NHLRC2: variants seen among roughly 807,000 people sequenced by gnomAD.
NHLRC2 encodes the protein NHL repeat containing 2.
In NHLRC2, 33 loss-of-function variants were observed where a neutral mutation model predicts 68.1. The ratio of observed to expected loss-of-function variants is 0.48; its 90% CI spans 0.37 to 0.65. The LOEUF (loss-of-function observed/expected upper bound fraction) is 0.65, where lower values mean the gene tolerates loss of function less well. Ranked by LOEUF, NHLRC2 falls within the 30% of genes least tolerant of loss-of-function variation. The pLI is 0.00. For missense variants in NHLRC2, 761 were observed against 853.8 expected (o/e 0.89, Z 1.35); for synonymous variants, 311 against 309.6 (o/e 1.00, Z -0.05).
Position 113,876,719 on chromosome 10 carries a change from C to T in NHLRC2, c.530C>T (p.Ser177Phe), listed in dbSNP as rs1845984792. ...ILGPRGNMLFSLIGEGHKDKL... is the reference protein window; with the variant it reads ...ILGPRGNMLFFLIGEGHKDKL... ...GGACCTCGTGGAAACATGTTGTTTT[C>T]TTTGATTGGAGAGGGACACAAAGAT... Residue 177 changes from serine to phenylalanine, a missense_variant, in exon 3 of 11, where the codon TCT becomes TTT. Transcript: ENST00000369301. The T allele has an allele frequency of 6.2e-7, 1 of 1,613,638 alleles. No individual in the cohort carries two copies. The highest frequency in any genetic ancestry group is 8.5e-7 in the Non-Finnish European group (1 of 1,179,788).
chr10:113,899,168 C>T (rs1339993154), intron 6 of NHLRC2, among the ~76,000 whole-genome samples: 1 of 152,032 alleles, frequency 6.6e-6, no homozygotes, highest in Non-Finnish European at 1.5e-5. Flanking sequence ...TTATTTTTAG[C>T]CATTTCCTCC....
intron 5 of NHLRC2, among the ~76,000 whole-genome samples, chr10:113,897,653 T>G (rs988725575): frequency 1.3e-5 from 2 of 152,214 alleles, no homozygotes; most frequent in East Asian, 1.9e-4. Context: ...ACTGAAACAT[T>G]GTGGTATGCT....
rs771124672 is a variant in NHLRC2 at position 113,904,817 on chromosome 10, C to A, written c.1705C>A (p.Leu569Ile). ...MDLETKMVSVLPIFRSENAVV... is the reference protein window; with the variant it reads ...MDLETKMVSVIPIFRSENAVV... ...AATAACAGATTTTCTTATTTCCTAG[C>A]TCCCCATCTTCAGATCTGAAAATGC... is the stretch of plus-strand genomic sequence containing the variant. The change falls in exon 10 of 11, where the codon CTC becomes ATC. Residue 569 changes from leucine (L) to isoleucine (I), a missense_variant and splice_region_variant. Coordinates refer to ENST00000369301, the MANE Select transcript of NHLRC2 (RefSeq NM_198514.4). 3.1e-6 allele frequency: 5 copies of A among 1,609,562 alleles called. No individual in the cohort carries two copies. The South Asian group carries it at 5.5e-5, about 18-fold the overall frequency.
chr10:113,898,467 A>G (rs41317262), intron 6 of NHLRC2, among the ~76,000 whole-genome samples: 81 of 152,324 alleles, frequency 5.3e-4, no homozygotes, highest in Non-Finnish European at 1.0e-3. Flanking sequence ...TCATCCTGGC[A>G]CAGTGAGAGA....
chr10:113,905,115 A>G (rs1412819391), intron 10 of NHLRC2, 79 bp downstream of exon 10: 1 of 779,180 alleles, frequency 1.3e-6, no homozygotes, highest in Non-Finnish European at 2.0e-6. Context: ...TTGTTAGGTG[A>G]TATTTTTACT....
intron 10 of NHLRC2, among the ~76,000 whole-genome samples, chr10:113,905,694 TC>T (rs1846269647): frequency 6.6e-6 from 1 of 152,152 alleles, no homozygotes; most frequent in African/African-American, 2.4e-5. Flanking sequence ...TCCATTTCCT[TC>T]CCAACTCCTC....
chr10:113,876,904 G>A lies in NHLRC2; in HGVS notation c.715G>A (p.Val239Ile), dbSNP rs751711519. ...VTVDQVTDRL[V>I]IADTGHHRIL... Reference sequence around the variant, plus strand: ...AGTAGACCAAGTTACTGATAGATTGGTAATAGCAGACACTGGACATCATAG... The same window carrying A: ...AGTAGACCAAGTTACTGATAGATTGATAATAGCAGACACTGGACATCATAG... The change falls in exon 3 of 11, where the codon GTA becomes ATA. Residue 239 changes from valine (V) to isoleucine (I), a missense_variant. Coordinates refer to ENST00000369301, the MANE Select transcript of NHLRC2 (RefSeq NM_198514.4). The A allele has an allele frequency of 1.2e-6, 2 of 1,612,792 alleles. No homozygotes were observed. Among genetic ancestry groups the A allele is most frequent in the Non-Finnish European group, 1.7e-6 (2 of 1,179,570 alleles).
rs1409281317 is a variant in NHLRC2 at position 113,880,170 on chromosome 10, G to GT, written c.909+476dup. Among the ~76,000 whole-genome samples, 3 of 151,838 alleles carry GT rather than the reference G, an allele frequency of 2.0e-5. No individual in the cohort carries two copies. The East Asian group carries it at 5.8e-4, about 29-fold the overall frequency. On this transcript the variant is annotated intron_variant, in intron 4 of 10. Transcript: ENST00000369301. ...CTAAAAAGTCAGCTAATACATAAAG[G>GT]TAAAAAAAAGTCCCCTGACCATCAA...
At chr10:113,871,681 T>C (rs1235874880) in intron 2 of NHLRC2, among the ~76,000 whole-genome samples, 5 of 152,212 alleles carry the variant, frequency 3.3e-5, no homozygotes, top group African/African-American at 9.7e-5. Context: ...TATATGTCAA[T>C]AAACCTAATG....
chr10:113,882,808 G>C (rs981431577), intron 4 of NHLRC2, among the ~76,000 whole-genome samples: 1 of 151,738 alleles, frequency 6.6e-6, no homozygotes, highest in Non-Finnish European at 1.5e-5. Context: ...TATTCTAAAA[G>C]TCTTTTAGTT....
intron 2 of NHLRC2, among the ~76,000 whole-genome samples, chr10:113,871,801 G>A (rs896284566): frequency 1.3e-5 from 2 of 152,128 alleles, no homozygotes; most frequent in African/African-American, 4.8e-5. Flanking sequence ...TAAAAAAGGG[G>A]AGAACAAGTA....
chr10:113,906,596 G>T (rs1446000858), intron 10 of NHLRC2, among the ~76,000 whole-genome samples: 1 of 151,090 alleles, frequency 6.6e-6, no homozygotes, highest in Admixed American at 6.6e-5. Flanking sequence ...CAAATTGTGT[G>T]TGTGATATAT....
chr10:113,866,688 CTA>C (rs1456007998), intron 2 of NHLRC2, among the ~76,000 whole-genome samples: 4 of 151,798 alleles, frequency 2.6e-5, no homozygotes, highest in African/African-American at 9.7e-5. Flanking sequence ...TTAAATAAGT[CTA>C]TATATAATTT....
At position 113,884,142 on chromosome 10, in the gene NHLRC2, C is replaced by T. The variant is rs548432458; in HGVS notation, c.910-109C>T. ...CCTTTTTTCATAATAAAACTTTGTA[C>T]TGCACATACACTCTAAATGTTCTAT... On this transcript the variant is annotated intron_variant, in intron 4 of 10. Coordinates refer to ENST00000369301, the MANE Select transcript of NHLRC2 (RefSeq NM_198514.4). The T allele has an allele frequency of 4.5e-6, 4 of 889,608 alleles. No homozygotes were observed. The South Asian group carries it at 8.4e-5, about 19-fold the overall frequency. 55.1% of individuals were successfully genotyped at this position (889,608 alleles called of 1,614,324 possible). A position where few individuals can be genotyped will look rare whatever the true frequency, so the allele number is the denominator to read the frequency against.
At chr10:113,855,750 C>G (rs1194921393) in intron 1 of NHLRC2, among the ~76,000 whole-genome samples, 1 of 152,208 alleles carries the variant, frequency 6.6e-6, no homozygotes, top group African/African-American at 2.4e-5. Flanking sequence ...CCTCCCGCCT[C>G]CGTTTCCCAA....
At chr10:113,855,091 T>A in intron 1 of NHLRC2, 41 bp downstream of exon 1, 3 of 1,510,278 alleles carry the variant, frequency 2.0e-6, no homozygotes, top group Non-Finnish European at 2.7e-6. Flanking sequence ...TCCCGGCACC[T>A]CCCCTTCCTC....
At chr10:113,862,750 T>A (rs1477744925) in intron 2 of NHLRC2, among the ~76,000 whole-genome samples, 1 of 152,182 alleles carries the variant, frequency 6.6e-6, no homozygotes, top group Non-Finnish European at 1.5e-5. Context: ...TGTATGCAAA[T>A]TGTAACTAAA....
intron 2 of NHLRC2, among the ~76,000 whole-genome samples, chr10:113,871,544 A>G (rs887181313): frequency 6.6e-6 from 1 of 152,100 alleles, no homozygotes; most frequent in Non-Finnish European, 1.5e-5. Context: ...TATTGGAAGT[A>G]CTTCTGTTTT....
intron 10 of NHLRC2, among the ~76,000 whole-genome samples, chr10:113,907,395 G>C (rs1589550466): frequency 6.6e-6 from 1 of 152,296 alleles, no homozygotes; most frequent in East Asian, 1.9e-4. Context: ...TGAGTCATTA[G>C]AAAATGTTCA....
Sources: gnomAD v4.1 joint callset for allele counts (sites outside exome capture counted in the v4.1 genomes callset) on GRCh38, gnomAD v4.1.1 for gene constraint, MANE v1.5 for transcripts, NCBI Gene and HGNC (gene_info 2026-07-23, HGNC 2026-07-21) for gene names.